The following USP9X variants were observed in gnomAD, a reference collection of about 807,000 sequenced individuals.
USP9X encodes the protein ubiquitin carboxyl-terminal hydrolase 9X.
A neutral mutation model predicts 190.3 loss-of-function variants in USP9X; 7 were observed. That is an observed-to-expected ratio of 0.04 (90% CI 0.02 to 0.07). The LOEUF (loss-of-function observed/expected upper bound fraction) is 0.07, where lower values mean the gene tolerates loss of function less well. Among genes scored for constraint, USP9X ranks in the 10% least tolerant of loss-of-function variants. The pLI, the probability that USP9X is intolerant of heterozygous loss-of-function variation, is 1.00. For synonymous variants in USP9X, 645 were observed against 659.5 expected, an observed-to-expected ratio of 0.98 and a Z score of 0.34; for missense variants, 1,010 against 1,916.9, an observed-to-expected ratio of 0.53 and a Z score of 8.83.
chrX:41,228,304 GAAAC>G (rs2063332266), intron 41 of USP9X, among the ~76,000 whole-genome samples: 1 of 111,977 alleles, frequency 8.9e-6, no homozygotes, highest in Non-Finnish European at 1.9e-5. Flanking sequence ...TAACACAAAA[GAAAC>G]AAGGCATGTT....
At position 41,221,164 on chromosome X, in the gene USP9X, A is replaced by C. The variant is rs1050419002; in HGVS notation, c.6565+1933A>C. ...GTAATCCCAGCTACTCAGGAGGCTG[A>C]GGCAGAAGAATCGCTTGAACCCAGA... On this transcript the variant is annotated intron_variant, in intron 38 of 44. Coordinates refer to ENST00000378308, the MANE Select transcript of USP9X (RefSeq NM_001039591.3). Among the ~76,000 whole-genome samples, 7 of 109,296 alleles carry C rather than the reference A, an allele frequency of 6.4e-5. 1 individual carries two copies. The highest frequency in any genetic ancestry group is 4.9e-4 in the Admixed American group (5 of 10,187). 94.9% of individuals were successfully genotyped at this position (109,296 alleles called of 115,157 possible).
chrX:41,169,014 G>A (rs2062702073), intron 18 of USP9X, among the ~76,000 whole-genome samples: 1 of 111,547 alleles, frequency 9.0e-6, no homozygotes, highest in African/African-American at 3.3e-5. Flanking sequence ...GCATTTTGGA[G>A]TGAATTTTGA....
intron 32 of USP9X, among the ~76,000 whole-genome samples, chrX:41,207,020 A>G (rs182460658): frequency 1.7e-3 from 169 of 100,386 alleles, no homozygotes; most frequent in African/African-American, 6.1e-3. Flanking sequence ...TCCTGACCTC[A>G]GGTGATCTGC....
chrX:41,100,942 G>C (rs1013144211), intron 1 of USP9X, among the ~76,000 whole-genome samples: 23 of 111,011 alleles, frequency 2.1e-4, no homozygotes, highest in African/African-American at 7.5e-4. Context: ...CACCTCTCCT[G>C]TTTTAAAGAT....
rs187054520 is a variant in USP9X, at chrX:41,171,849, G to T, written c.3039G>T (p.Leu1013=). The T allele has an allele frequency of 8.3e-7, 1 of 1,207,290 alleles. No homozygotes were observed. The highest frequency in any genetic ancestry group is 1.1e-6 in the Non-Finnish European group (1 of 893,454). ...ATTTTATATTCTAGATAATGTCACT[G>T]CATCCCAGATACATCTCTTTTCTTT... is the stretch of plus-strand genomic sequence containing the variant. ...ESCLPGVIMS[L]HPRYISFLWQ... The change falls in exon 21 of 45, where the codon CTG becomes CTT. Residue 1013 remains leucine (L), a synonymous_variant. Transcript: ENST00000378308.
At chrX:41,201,907 GT>G (rs775895474) in intron 31 of USP9X, among the ~76,000 whole-genome samples, 27 of 111,261 alleles carry the variant, frequency 2.4e-4, no homozygotes, top group African/African-American at 6.9e-4. Context: ...GAAGGTGGAG[GT>G]TGCGATGAGC....
intron 41 of USP9X, 126 bp from the exon 42 acceptor site, chrX:41,229,127 A>G (rs1031248295): frequency 4.3e-6 from 2 of 461,646 alleles, no homozygotes. Flanking sequence ...GTTTAATAAT[A>G]GTACCTATTG....
intron 32 of USP9X, among the ~76,000 whole-genome samples, chrX:41,208,559 G>A (rs2063127220): frequency 8.9e-6 from 1 of 111,826 alleles, no homozygotes; most frequent in South Asian, 3.7e-4. Context: ...CAAACCTACA[G>A]AAAAGATGAA....
At chrX:41,203,162 ACTACTT>A (rs1410051578) in intron 31 of USP9X, among the ~76,000 whole-genome samples, 1 of 110,583 alleles carries the variant, frequency 9.0e-6, no homozygotes, top group African/African-American at 3.4e-5. Context: ...ATCTTACACC[ACTACTT>A]CTGTTGTTTT....
At chrX:41,217,023 A>G (rs996976862) in intron 35 of USP9X, among the ~76,000 whole-genome samples, 197 bp from the exon 36 acceptor site, 2 of 111,133 alleles carry the variant, frequency 1.8e-5, no homozygotes, top group Non-Finnish European at 3.8e-5. Context: ...ATTGATGGCC[A>G]CTGCACTCCA....
intron 26 of USP9X, 94 bp from the exon 27 acceptor site, chrX:41,196,157 C>A: frequency 1.0e-6 from 1 of 997,925 alleles, no homozygotes; most frequent in Non-Finnish European, 1.4e-6. Flanking sequence ...CCCTTTTATA[C>A]TCCCCCCACC....
intron 14 of USP9X, among the ~76,000 whole-genome samples, 198 bp from the exon 15 acceptor site, chrX:41,162,587 ATTTTG>A (rs907333852): frequency 6.2e-5 from 7 of 112,107 alleles, no homozygotes; most frequent in African/African-American, 9.7e-5. Context: ...TTAACAGATT[ATTTTG>A]TTTTGGTTAT....
At chrX:41,146,369 G>A (rs1413695069) in intron 11 of USP9X, among the ~76,000 whole-genome samples, 1 of 112,230 alleles carries the variant, frequency 8.9e-6, no homozygotes, top group African/African-American at 3.2e-5. Context: ...GATTTTGAAA[G>A]GAAGCAATGA....
chrX:41,163,900 C>T (rs188435968), intron 15 of USP9X, among the ~76,000 whole-genome samples: 12 of 107,565 alleles, frequency 1.1e-4, no homozygotes, highest in African/African-American at 3.4e-4. Context: ...TTTTTTGAGA[C>T]GGAGTCTCAC....
At chrX:41,145,661 A>G (rs767780630) in intron 11 of USP9X, among the ~76,000 whole-genome samples, 109 of 111,976 alleles carry the variant, frequency 9.7e-4, no homozygotes, top group African/African-American at 3.4e-3. Flanking sequence ...CTGGGATGTT[A>G]CTTGCCGTGT....
At chrX:41,090,519 CTT>C (rs1389639097) in intron 1 of USP9X, among the ~76,000 whole-genome samples, 1 of 112,398 alleles carries the variant, frequency 8.9e-6, no homozygotes, top group Non-Finnish European at 1.9e-5. Flanking sequence ...ACACACATAT[CTT>C]ATATTTGGCA....
intron 1 of USP9X, among the ~76,000 whole-genome samples, chrX:41,089,903 GTTTTTTTTTT>G (rs139093155): frequency 8.2e-4 from 25 of 30,325 alleles, no homozygotes; most frequent in Non-Finnish European, 1.2e-3. Context: ...ATCTATGAGG[GTTTTTTTTTT>G]TTTTTTTTTT....
chrX:41,184,707 ATAG>A, intron 23 of USP9X, 32 bp downstream of exon 23: 2 of 1,108,819 alleles, frequency 1.8e-6, no homozygotes, highest in Non-Finnish European at 2.4e-6. Context: ...TCCTTTTATA[ATAG>A]TAGATAGCAA....
At chrX:41,213,091 G>T (rs1424302226) in intron 33 of USP9X, among the ~76,000 whole-genome samples, 2 of 111,559 alleles carry the variant, frequency 1.8e-5, no homozygotes, top group East Asian at 5.6e-4. Flanking sequence ...AAAGATTATG[G>T]TCTTGAAATC....
Sources: allele counts gnomAD v4.1 joint callset (sites outside exome capture counted in the v4.1 genomes callset), GRCh38; gene constraint gnomAD v4.1.1; transcripts MANE v1.5; gene names NCBI Gene and HGNC (gene_info 2026-07-23, HGNC 2026-07-21).